The following FMN2 variants were observed in gnomAD, a reference collection of about 807,000 sequenced individuals.
The protein encoded by FMN2 is formin 2.
Under a neutral mutation model 142.3 loss-of-function variants are expected in FMN2, and 51 were observed. That is an observed-to-expected ratio of 0.36 (90% CI 0.29 to 0.45). The LOEUF (loss-of-function observed/expected upper bound fraction) is 0.45, where lower values mean the gene tolerates loss of function less well. Among genes scored for constraint, FMN2 ranks in the 20% least tolerant of loss-of-function variants. The pLI is 1.00. For synonymous variants in FMN2, 882 were observed against 869.8 expected (o/e 1.01, Z -0.25); for missense variants, 1,936 against 2,122.8 (o/e 0.91, Z 1.73).
At chr1:240,336,742 G>C (rs528931213) in intron 13 of FMN2, among the ~76,000 whole-genome samples, 2 of 152,060 alleles carry the variant, frequency 1.3e-5, no homozygotes, top group African/African-American at 4.8e-5. Context: ...TACAGGGAAG[G>C]TTGGAGAAAT....
In FMN2 at chr1:240,171,074, C is replaced by T; in HGVS notation, c.1783-6847C>T. ...GTAGCTGCTTCAGGTCAAGAAATTG[C>T]CACTCATCCATTCCAGCTGGTAACA... On this transcript the variant is annotated intron_variant, in intron 2 of 17. Transcript: ENST00000319653. The T allele has an allele frequency of 2.1e-6, 3 of 1,417,886 alleles. No individual in the cohort carries two copies. In the East Asian group the frequency reaches 6.8e-5, roughly 32 times the overall value. 87.8% of individuals were successfully genotyped at this position (1,417,886 alleles called of 1,614,324 possible).
intron 8 of FMN2, among the ~76,000 whole-genome samples, chr1:240,296,521 C>CATGGCCTT (rs1669995991): frequency 7.3e-6 from 1 of 136,270 alleles, no homozygotes; most frequent in Non-Finnish European, 1.5e-5. Flanking sequence ...CTCTTTGGGG[C>CATGGCCTT]ATGGCCTTAG....
intron 6 of FMN2, among the ~76,000 whole-genome samples, chr1:240,251,298 T>C (rs1244703469): frequency 6.6e-6 from 1 of 152,124 alleles, no homozygotes; most frequent in Non-Finnish European, 1.5e-5. Context: ...TTCTAGGATT[T>C]TTTTTATTTC....
At chr1:240,176,069 G>T (rs928704732) in intron 2 of FMN2, among the ~76,000 whole-genome samples, 1 of 152,020 alleles carries the variant, frequency 6.6e-6, no homozygotes, top group African/African-American at 2.4e-5. Context: ...TCAGTTCATT[G>T]ATTTTTAAAA....
At chr1:240,424,538 A>C (rs1674872769) in intron 15 of FMN2, among the ~76,000 whole-genome samples, 1 of 152,202 alleles carries the variant, frequency 6.6e-6, no homozygotes, top group Non-Finnish European at 1.5e-5. Context: ...TCTCTGTATG[A>C]AGAATAGATT....
intron 2 of FMN2, among the ~76,000 whole-genome samples, chr1:240,152,576 G>A (rs1437406415): frequency 1.3e-5 from 2 of 152,112 alleles, no homozygotes; most frequent in Non-Finnish European, 2.9e-5. Context: ...TCTTACGCTT[G>A]TTCCCATAAT....
intron 6 of FMN2, among the ~76,000 whole-genome samples, chr1:240,254,236 A>C (rs1476659342): frequency 1.3e-5 from 2 of 149,894 alleles, no homozygotes; most frequent in African/African-American, 2.4e-5. Flanking sequence ...CTGGTGTTGC[A>C]GTGGCTATGA....
chr1:240,468,320 A>G, intron 16 of FMN2, among the ~76,000 whole-genome samples: 1 of 151,924 alleles, frequency 6.6e-6, no homozygotes, highest in East Asian at 1.9e-4. Flanking sequence ...ATATATACAT[A>G]TGCACACACA....
intron 15 of FMN2, among the ~76,000 whole-genome samples, chr1:240,437,473 T>G (rs2103178392): frequency 6.6e-6 from 1 of 151,246 alleles, no homozygotes; most frequent in Non-Finnish European, 1.5e-5. Context: ...TTTTTTTTTC[T>G]TTGTAATTTT....
rs552135436 is a variant in FMN2, at chr1:240,336,553, C to CAAAAAAAAAAAA, written c.4765+2342_4765+2353dup. ...GTTAAAAGGACTTCATGGTATTCTC[C>CAAAAAAAAAAAA]AAAAAAAAAAAAAAAAAAAAAAAAA... On this transcript the variant is annotated intron_variant, in intron 13 of 17. Coordinates refer to ENST00000319653, the MANE Select transcript of FMN2 (RefSeq NM_020066.5). Among the ~76,000 whole-genome samples the CAAAAAAAAAAAA allele has an allele frequency of 1.2e-4, 6 of 50,524 alleles. 1 individual carries two copies. In the East Asian group the frequency reaches 1.0e-2, roughly 84 times the overall value. 33.1% of individuals were successfully genotyped at this position (50,524 alleles called of 152,430 possible). A position where few individuals can be genotyped will look rare whatever the true frequency, so the allele number is the denominator to read the frequency against.
At chr1:240,122,561 G>T (rs1294268072) in intron 1 of FMN2, among the ~76,000 whole-genome samples, 2 of 152,106 alleles carry the variant, frequency 1.3e-5, no homozygotes, top group Non-Finnish European at 2.9e-5. Context: ...GGGATTACAG[G>T]TGTGAGCCAC....
intron 8 of FMN2, among the ~76,000 whole-genome samples, chr1:240,297,594 CAAA>C (rs57504077): frequency 3.2e-3 from 285 of 88,774 alleles, no homozygotes; most frequent in African/African-American, 0.012. Context: ...GACTCCATCT[CAAA>C]AAAAAAAAAA....
intron 8 of FMN2, among the ~76,000 whole-genome samples, chr1:240,314,592 TA>T (rs143088154): frequency 0.064 from 9,788 of 152,300 alleles, 410 homozygotes; most frequent in South Asian, 0.12. Context: ...TTAATAAATG[TA>T]AAAATTTTGG....
chr1:240,437,045 C>T (rs1675401810), intron 15 of FMN2, among the ~76,000 whole-genome samples: 1 of 152,186 alleles, frequency 6.6e-6, no homozygotes, highest in Admixed American at 6.5e-5. Flanking sequence ...CTCAGGGCAT[C>T]ACTCATGGGA....
chr1:240,357,452 A>G (rs1277258762), intron 14 of FMN2, among the ~76,000 whole-genome samples: 1 of 152,226 alleles, frequency 6.6e-6, no homozygotes, highest in East Asian at 1.9e-4. Context: ...ACAGATGATC[A>G]GCCGAATATG....
intron 8 of FMN2, among the ~76,000 whole-genome samples, chr1:240,308,287 A>G (rs546360777): frequency 1.3e-5 from 2 of 152,264 alleles, no homozygotes; most frequent in Non-Finnish European, 2.9e-5. Context: ...TTACTTAGAG[A>G]TAAATTGGTG....
intron 8 of FMN2, among the ~76,000 whole-genome samples, chr1:240,319,084 T>C (rs745559308): frequency 6.6e-6 from 1 of 152,136 alleles, no homozygotes; most frequent in African/African-American, 2.4e-5. Flanking sequence ...AAACCAGAGC[T>C]AAATGTATTT....
intron 15 of FMN2, among the ~76,000 whole-genome samples, chr1:240,408,417 C>T (rs1047882868): frequency 2.0e-5 from 3 of 151,786 alleles, no homozygotes; most frequent in East Asian, 1.9e-4. Flanking sequence ...TTTCAATAAA[C>T]GGGAAAAAAA....
At position 240,397,785 on chromosome 1, in the gene FMN2, CAAAAAAAAAAAA is replaced by C. The variant is rs35826717; in HGVS notation, c.4910+5237_4910+5248del. ...AGCCCAGGCAACATAGACTCCTTCT[CAAAAAAAAAAAA>C]AAAAAAAAAAAAAGTTAACCACACC... On this transcript the variant is annotated intron_variant, in intron 15 of 17. Transcript: ENST00000319653. Among the ~76,000 whole-genome samples the C allele has an allele frequency of 3.8e-4, 18 of 46,810 alleles. No individual in the cohort carries two copies. The East Asian group carries it at 7.2e-3, about 19-fold the overall frequency. 30.7% of individuals were successfully genotyped at this position (46,810 alleles called of 152,430 possible). A position where few individuals can be genotyped will look rare whatever the true frequency, so the allele number is the denominator to read the frequency against.
Sources: allele counts gnomAD v4.1 joint callset (sites outside exome capture counted in the v4.1 genomes callset), GRCh38; gene constraint gnomAD v4.1.1; transcripts MANE v1.5; gene names NCBI Gene and HGNC (gene_info 2026-07-23, HGNC 2026-07-21).